The following UBASH3B variants were observed in gnomAD, a reference collection of about 807,000 sequenced individuals.
UBASH3B encodes ubiquitin associated and SH3 domain containing B.
A neutral mutation model predicts 83.4 loss-of-function variants in UBASH3B; 37 were observed. That is an observed-to-expected ratio of 0.44 (90% CI 0.34 to 0.58). UBASH3B has a LOEUF of 0.58. Among genes scored for constraint, UBASH3B ranks in the 20% least tolerant of loss-of-function variants. The probability of loss-of-function intolerance (pLI) is 0.01; values close to 1 mark genes in which losing one functional copy is unlikely to be tolerated. For missense variants in UBASH3B, 657 were observed against 827.2 expected, an observed-to-expected ratio of 0.79 and a Z score of 2.52; for synonymous variants, 304 against 318.3, an observed-to-expected ratio of 0.96 and a Z score of 0.48.
At chr11:122,787,349 T>C (rs767739411) in intron 5 of UBASH3B, among the ~76,000 whole-genome samples, 5 of 152,018 alleles carry the variant, frequency 3.3e-5, no homozygotes, top group Non-Finnish European at 7.4e-5. Context: ...ACAGGAAGAA[T>C]AAGGAGGCAA....
chr11:122,807,963 AGT>A, intron 12 of UBASH3B, 102 bp from the exon 13 acceptor site: 1 of 835,370 alleles, frequency 1.2e-6, no homozygotes. Flanking sequence ...TGTCTTCTTG[AGT>A]GTGTTTGCTC....
chr11:122,667,064 GAA>G (rs1440825019), intron 1 of UBASH3B, among the ~76,000 whole-genome samples: 2 of 97,804 alleles, frequency 2.0e-5, no homozygotes, highest in East Asian at 6.1e-4. Flanking sequence ...TTTTTTTTGA[GAA>G]AGAGTCTCAC....
intron 1 of UBASH3B, among the ~76,000 whole-genome samples, chr11:122,704,439 T>A (rs1864088745): frequency 6.6e-6 from 1 of 151,926 alleles, no homozygotes; most frequent in Admixed American, 6.6e-5. Context: ...ATAAGCGAAT[T>A]CCCCGAGTGT....
chr11:122,689,531 G>T (rs185656171), intron 1 of UBASH3B, among the ~76,000 whole-genome samples: 2 of 151,982 alleles, frequency 1.3e-5, no homozygotes, highest in Admixed American at 6.5e-5. Flanking sequence ...CCTTTACACC[G>T]CAACAGCAAT....
intron 3 of UBASH3B, among the ~76,000 whole-genome samples, chr11:122,778,842 T>C (rs753810134): frequency 4.6e-5 from 7 of 152,156 alleles, no homozygotes; most frequent in Non-Finnish European, 1.0e-4. Flanking sequence ...AGTCCTCAAG[T>C]GATCTGCCCG....
chr11:122,782,713 C>T, intron 4 of UBASH3B: 1 of 200,388 alleles, frequency 5.0e-6, no homozygotes, highest in South Asian at 1.7e-4. Flanking sequence ...ATTATTTCAT[C>T]ACTGTAGGTC....
chr11:122,784,962 G>C (rs919923427), intron 5 of UBASH3B, among the ~76,000 whole-genome samples: 16 of 152,116 alleles, frequency 1.1e-4, no homozygotes, highest in Non-Finnish European at 1.5e-5. Context: ...AGGTGTGACT[G>C]GTTGGACTCC....
In UBASH3B at chr11:122,749,720, C is replaced by CTATTT. The variant is rs1424311488; in HGVS notation, c.162-26483_162-26479dup. Among the ~76,000 whole-genome samples, 116 of 152,118 alleles carry CTATTT rather than the reference C, an allele frequency of 7.6e-4. 1 individual carries two copies. The highest frequency in any genetic ancestry group is 7.4e-3 in the Admixed American group (113 of 15,276). ...AATCGCTATTTGAGAGGTAATCATT[C>CTATTT]TATTTTATTTTATTTTATTTATTTT... is the stretch of plus-strand genomic sequence containing the variant. On this transcript the variant is annotated intron_variant, in intron 1 of 13. Coordinates refer to ENST00000284273, the MANE Select transcript of UBASH3B (RefSeq NM_032873.5).
chr11:122,738,584 A>T (rs1158913234), intron 1 of UBASH3B, among the ~76,000 whole-genome samples: 1 of 152,170 alleles, frequency 6.6e-6, no homozygotes, highest in Non-Finnish European at 1.5e-5. Context: ...GTGGGAGTTG[A>T]GCCTGTAAAG....
In UBASH3B at chr11:122,783,234, C is replaced by T; in HGVS notation, c.771+12C>T. 6.2e-7 allele frequency: 1 copy of T among 1,611,534 alleles called. No homozygotes were observed. Among genetic ancestry groups the T allele is most frequent in the Non-Finnish European group, 8.5e-7 (1 of 1,178,586 alleles). ...TTGCTAACCATGAGGTAATGTCTCA[C>T]TGTGGTTCCAGAAGCTACCAGGTGC... is the stretch of plus-strand genomic sequence containing the variant. On this transcript the variant is annotated intron_variant, in intron 5 of 13. Transcript: ENST00000284273.
chr11:122,803,954 G>T (rs1351171728), intron 11 of UBASH3B, among the ~76,000 whole-genome samples: 1 of 151,992 alleles, frequency 6.6e-6, no homozygotes, highest in African/African-American at 2.4e-5. Context: ...TTTGACTCAG[G>T]CCAAGCCCAT....
chr11:122,664,240 G>C (rs1021570588), intron 1 of UBASH3B, among the ~76,000 whole-genome samples: 1 of 152,156 alleles, frequency 6.6e-6, no homozygotes, highest in African/African-American at 2.4e-5. Flanking sequence ...CCAAGCTGCT[G>C]ACTATAATAA....
intron 1 of UBASH3B, among the ~76,000 whole-genome samples, chr11:122,663,416 AC>A (rs1420726945): frequency 2.0e-5 from 3 of 152,262 alleles, no homozygotes; most frequent in African/African-American, 7.2e-5. Context: ...ATTAAGTACT[AC>A]AGAGATTGAA....
chr11:122,773,735 T>C (rs1357930409), intron 1 of UBASH3B, among the ~76,000 whole-genome samples: 1 of 152,222 alleles, frequency 6.6e-6, no homozygotes, highest in East Asian at 1.9e-4. Context: ...CAATTTTTTC[T>C]TTGAACTCTT....
At chr11:122,716,114 G>A (rs1040546701) in intron 1 of UBASH3B, among the ~76,000 whole-genome samples, 6 of 152,200 alleles carry the variant, frequency 3.9e-5, no homozygotes, top group African/African-American at 1.4e-4. Context: ...CAGAAAAACT[G>A]CACGGTAGTA....
chr11:122,743,951 T>C (rs1486321404), intron 1 of UBASH3B, among the ~76,000 whole-genome samples: 1 of 152,196 alleles, frequency 6.6e-6, no homozygotes, highest in East Asian at 1.9e-4. Context: ...TCAGGGTGGC[T>C]GCATCAGACA....
chr11:122,710,311 C>T lies in UBASH3B; in HGVS notation c.161+54101C>T, dbSNP rs144754315. On this transcript the variant is annotated intron_variant, in intron 1 of 13. Coordinates refer to ENST00000284273, the MANE Select transcript of UBASH3B (RefSeq NM_032873.5). ...TTTAGGAAAGGCATTTAGGAGGAGG[C>T]GAAAGAGCAAGTCCCGGAGCGGGCT... is the stretch of plus-strand genomic sequence containing the variant. Among the ~76,000 whole-genome samples the T allele has an allele frequency of 3.0e-3, 461 of 152,140 alleles. 4 individuals carry two copies. The highest frequency in any genetic ancestry group is 0.011 in the African/African-American group (439 of 41,502).
intron 1 of UBASH3B, among the ~76,000 whole-genome samples, chr11:122,682,223 T>C (rs1013293512): frequency 2.0e-5 from 3 of 152,174 alleles, no homozygotes. Flanking sequence ...ATAGTTTTCA[T>C]TTATTTAGTA....
intron 1 of UBASH3B, among the ~76,000 whole-genome samples, chr11:122,766,987 A>G (rs1457358495): frequency 3.9e-5 from 6 of 152,134 alleles, no homozygotes; most frequent in African/African-American, 1.2e-4. Flanking sequence ...TTCTATTAAT[A>G]GTAATCTCTA....
Sources: gnomAD v4.1 joint callset for allele counts (sites outside exome capture counted in the v4.1 genomes callset) on GRCh38, gnomAD v4.1.1 for gene constraint, MANE v1.5 for transcripts, NCBI Gene and HGNC (gene_info 2026-07-23, HGNC 2026-07-21) for gene names.